DNASE2B: variants seen among roughly 807,000 people sequenced by gnomAD.
DNASE2B encodes deoxyribonuclease 2 beta.
In DNASE2B, 43 loss-of-function variants were observed where a neutral mutation model predicts 46.0. The ratio of observed to expected loss-of-function variants is 0.94; its 90% CI spans 0.73 to 1.21. DNASE2B has a LOEUF of 1.21. Ranked by LOEUF, DNASE2B falls within the 50% of genes most tolerant of loss-of-function variation. The pLI is 0.00. For synonymous variants in DNASE2B, 156 were observed against 152.5 expected, an observed-to-expected ratio of 1.02 and a Z score of -0.17; for missense variants, 395 against 414.4, an observed-to-expected ratio of 0.95 and a Z score of 0.41.
At position 84,398,674 on chromosome 1, in the gene DNASE2B, G is replaced by A. The variant is rs1356342715; in HGVS notation, c.110G>A (p.Gly37Glu). The change falls in exon 1 of 6, where the codon GGG becomes GAG. Residue 37 changes from glycine to glutamate, a missense_variant. By Grantham distance (98) the Gly-to-Glu change is moderately conservative (BLOSUM62 -2). Coordinates refer to ENST00000370665, the MANE Select transcript of DNASE2B (RefSeq NM_021233.3). ...ACAATTTCATGCAGAAATGAAGAAG[G>A]GAAAGCTGTGGACTGGTAGGTAAAT... ...AATISCRNEE[G>E]KAVDWFTFYK... 6.2e-7 allele frequency: 1 copy of A among 1,613,830 alleles called. No homozygotes were observed. Among genetic ancestry groups the A allele is most frequent in the South Asian group, 1.1e-5 (1 of 91,064 alleles).
rs751416402 is a variant in DNASE2B, at chr1:84,398,712, C to T, written c.125+23C>T. 1.7e-5 allele frequency: 27 copies of T among 1,612,608 alleles called. No homozygotes were observed. In the Admixed American group the frequency reaches 4.0e-4, roughly 24 times the overall value. On this transcript the variant is annotated intron_variant, in intron 1 of 5. Transcript: ENST00000370665. Reference sequence around the variant, plus strand: ...CTGGTAGGTAAATGAAATGGAAGGACTGCTGCATGCAAACAGCCTCGGTAC... The same window carrying T: ...CTGGTAGGTAAATGAAATGGAAGGATTGCTGCATGCAAACAGCCTCGGTAC...
In DNASE2B at chr1:84,398,650, C is replaced by A. The variant is rs1680346696; in HGVS notation, c.86C>A (p.Thr29Lys). The change falls in exon 1 of 6, where the codon ACA (threonine) becomes AAA (lysine). Residue 29 changes from threonine (T) to lysine (K), a missense_variant. Transcript: ENST00000370665. The stretch of plus-strand genomic sequence containing the variant: ...CTCTTTGGGGTGCTGGGGGCAGCAA[C>A]AATTTCATGCAGAAATGAAGAAGGG... ...LGLFGVLGAA[T>K]ISCRNEEGKA... The A allele has an allele frequency of 1.9e-6, 3 of 1,613,824 alleles. No homozygotes were observed. The highest frequency in any genetic ancestry group is 1.7e-6 in the Non-Finnish European group (2 of 1,179,794).
chr1:84,409,874 C>T (rs1342527215), intron 3 of DNASE2B, among the ~76,000 whole-genome samples: 1 of 152,174 alleles, frequency 6.6e-6, no homozygotes, highest in Non-Finnish European at 1.5e-5. Flanking sequence ...CTCATCTGCA[C>T]AGAGGATAAC....
chr1:84,409,312 CA>C (rs1680547013), intron 3 of DNASE2B, among the ~76,000 whole-genome samples: 1 of 152,064 alleles, frequency 6.6e-6, no homozygotes, highest in African/African-American at 2.4e-5. Context: ...ATTCCAAATT[CA>C]AATGCCTTCA....
chr1:84,414,645 TA>T lies in DNASE2B; in HGVS notation c.867del (p.Ala290GlnfsTer36). 6.2e-7 allele frequency: 1 copy of T among 1,614,110 alleles called. No individual in the cohort carries two copies. The highest frequency in any genetic ancestry group is 8.5e-7 in the Non-Finnish European group (1 of 1,180,014). On this transcript the variant is annotated frameshift_variant, in exon 6 of 6. Transcript: ENST00000370665. LOFTEE classifies it high-confidence loss of function. ...NCSLPYHVYN[I>X]KAIKLSRHSY... is the part of the protein sequence containing the mutation. Reference sequence around the variant, plus strand: ...TCCCTTCCTTACCATGTCTACAATATAAAAGCAATTAAATTATCACGACACT... The same window carrying T: ...TCCCTTCCTTACCATGTCTACAATATAAAGCAATTAAATTATCACGACACT...
At chr1:84,406,959 C>T (rs1295087911) in intron 2 of DNASE2B, among the ~76,000 whole-genome samples, 1 of 152,162 alleles carries the variant, frequency 6.6e-6, no homozygotes. Flanking sequence ...ATATTGCCTG[C>T]ACTTGTGTGA....
chr1:84,414,775 A>G lies in DNASE2B; in HGVS notation c.993A>G (p.Gln331=). ...CIGDLNRSPH[Q]AFRSGGFICT... is the part of the protein sequence containing the mutation. Reference sequence around the variant, plus strand: ...GAGACCTAAATCGGAGTCCACACCAAGCCTTCAGAAGTGGAGGATTCATTT... The same window carrying G: ...GAGACCTAAATCGGAGTCCACACCAGGCCTTCAGAAGTGGAGGATTCATTT... The change falls in exon 6 of 6, where the codon CAA becomes CAG. Residue 331 remains glutamine (Q), a synonymous_variant. Coordinates refer to ENST00000370665, the MANE Select transcript of DNASE2B (RefSeq NM_021233.3). 1 of 1,614,214 alleles carries G rather than the reference A, an allele frequency of 6.2e-7. No individual in the cohort carries two copies. The highest frequency in any genetic ancestry group is 8.5e-7 in the Non-Finnish European group (1 of 1,180,026).
chr1:84,408,187 C>G (rs1438663601), intron 2 of DNASE2B: 3 of 331,748 alleles, frequency 9.0e-6, no homozygotes, highest in African/African-American at 4.3e-5. Context: ...TGCCCTCACA[C>G]ACAGATCACA....
At chr1:84,411,443 TGTGTGTG>T (rs1558503397) in intron 4 of DNASE2B, among the ~76,000 whole-genome samples, 438 of 17,608 alleles carry the variant, frequency 0.025, 3 homozygotes, top group African/African-American at 0.096. Flanking sequence ...TGTGTGTGTG[TGTGTGTG>T]TGTGTGTGTG....
intron 4 of DNASE2B, among the ~76,000 whole-genome samples, chr1:84,411,533 T>C (rs1025875762): frequency 1.3e-5 from 2 of 151,738 alleles, no homozygotes; most frequent in Non-Finnish European, 2.9e-5. Context: ...ATGAGTTCAA[T>C]CTTAATTTTG....
At position 84,414,805 on chromosome 1, in the gene DNASE2B, C is replaced by A. The variant is rs565736451; in HGVS notation, c.1023C>A (p.Thr341=). 2.9e-4 allele frequency: 466 copies of A among 1,613,966 alleles called. 5 individuals carry two copies. In the South Asian group the frequency reaches 4.9e-3, roughly 17 times the overall value. The change falls in exon 6 of 6, where the codon ACC becomes ACA. Residue 341 remains threonine (T), a synonymous_variant. Coordinates refer to ENST00000370665, the MANE Select transcript of DNASE2B (RefSeq NM_021233.3). ...TCAGAAGTGGAGGATTCATTTGTACCCAGAATTGGCAAATTTACCAAGCAT... is the reference window on the plus strand; with the variant it reads ...TCAGAAGTGGAGGATTCATTTGTACACAGAATTGGCAAATTTACCAAGCAT... ...QAFRSGGFIC[T]QNWQIYQAFQ...
rs773145303 is a variant in DNASE2B, at chr1:84,408,448, A to G, written c.315A>G (p.Thr105=). 3.6e-5 allele frequency: 58 copies of G among 1,609,344 alleles called. 1 individual carries two copies. The South Asian group carries it at 6.3e-4, about 18-fold the overall frequency. Residue 105 remains threonine, a synonymous_variant, in exon 3 of 6, where the codon ACA becomes ACG. Coordinates refer to ENST00000370665, the MANE Select transcript of DNASE2B (RefSeq NM_021233.3). ...ATATATTCCTGCAGAGTAACAACAC[A>G]GCCTATCTAATATACAATGATGGAG... ...YEAYASKSNN[T]AYLIYNDGVP...
chr1:84,404,541 G>C (rs1159480654), intron 2 of DNASE2B, among the ~76,000 whole-genome samples: 2 of 152,194 alleles, frequency 1.3e-5, no homozygotes, highest in Non-Finnish European at 2.9e-5. Context: ...TATGTAATGA[G>C]TCTTAAAGGT....
At chr1:84,407,084 C>T (rs972227463) in intron 2 of DNASE2B, among the ~76,000 whole-genome samples, 7 of 152,188 alleles carry the variant, frequency 4.6e-5, no homozygotes, top group African/African-American at 1.7e-4. Flanking sequence ...AAGGCACATG[C>T]CTACATCTAC....
chr1:84,412,975 A>T (rs1433596157), intron 5 of DNASE2B, among the ~76,000 whole-genome samples: 1 of 124,610 alleles, frequency 8.0e-6, no homozygotes, highest in East Asian at 2.2e-4. Flanking sequence ...CCCCTCCAAC[A>T]ATCTTATCTG....
At chr1:84,407,783 C>T (rs1376121524) in intron 2 of DNASE2B, among the ~76,000 whole-genome samples, 2 of 152,028 alleles carry the variant, frequency 1.3e-5, no homozygotes, top group Non-Finnish European at 2.9e-5. Context: ...TCATATTTGG[C>T]CTTACCAGAG....
At chr1:84,405,482 G>A (rs564223469) in intron 2 of DNASE2B, among the ~76,000 whole-genome samples, 48 of 152,086 alleles carry the variant, frequency 3.2e-4, no homozygotes, top group Non-Finnish European at 5.9e-4. Flanking sequence ...ACCTCAATCC[G>A]CAGTACATAT....
At position 84,414,845 on chromosome 1, in the gene DNASE2B, T is replaced by C; in HGVS notation, c.1063T>C (p.Leu355=). The C allele has an allele frequency of 6.2e-7, 1 of 1,612,292 alleles. No homozygotes were observed. Among genetic ancestry groups the C allele is most frequent in the Non-Finnish European group, 8.5e-7 (1 of 1,178,688 alleles). Residue 355 remains leucine (L), a synonymous_variant, in exon 6 of 6, where the codon TTA becomes CTA. Coordinates refer to ENST00000370665, the MANE Select transcript of DNASE2B (RefSeq NM_021233.3). ...TTACCAAGCATTTCAAGGATTAGTA[T>C]TATACTATGAAAGCTGTAAGTAAAC... ...QIYQAFQGLV[L]YYESCK is the part of the protein sequence containing the mutation.
chr1:84,408,358 G>T, intron 2 of DNASE2B, 79 bp from the exon 3 acceptor site: 1 of 1,471,874 alleles, frequency 6.8e-7, no homozygotes, highest in Non-Finnish European at 9.0e-7. Flanking sequence ...TGTATTGCAG[G>T]CTGGGTAGCT....
Sources: allele counts gnomAD v4.1 joint callset (sites outside exome capture counted in the v4.1 genomes callset), GRCh38; gene constraint gnomAD v4.1.1; transcripts MANE v1.5; gene names NCBI Gene and HGNC (gene_info 2026-07-23, HGNC 2026-07-21).